Variants in FBXL18 observed in about 807,000 individuals in gnomAD.
FBXL18 encodes the protein F-box/LRR-repeat protein 18.
A neutral mutation model predicts 46.0 loss-of-function variants in FBXL18; 36 were observed. That is an observed-to-expected ratio of 0.78 (90% CI 0.60 to 1.03). The LOEUF is 1.03. Ranked by LOEUF, FBXL18 falls within the 50% of genes least tolerant of loss-of-function variation. The pLI is 0.00. For synonymous variants in FBXL18, 557 were observed against 465.3 expected, an observed-to-expected ratio of 1.20 and a Z score of -2.54; for missense variants, 977 against 1,004.1, an observed-to-expected ratio of 0.97 and a Z score of 0.36.
intron 4 of FBXL18, among the ~76,000 whole-genome samples, chr7:5,482,209 G>T (rs1429150869): frequency 6.6e-6 from 1 of 152,200 alleles, no homozygotes; most frequent in African/African-American, 2.4e-5. Context: ...AGGATCAGAG[G>T]CCCCGGAGGC....
chr7:5,486,307 T>TAACTCTA (rs1783775689), intron 4 of FBXL18, among the ~76,000 whole-genome samples: 1 of 142,956 alleles, frequency 7.0e-6, no homozygotes, highest in Admixed American at 7.1e-5. Context: ...TAATCCCAGC[T>TAACTCTA]ACTCCAGAGG....
rs1311244215 is a variant in FBXL18 at position 5,477,217 on chromosome 7, A to G, written c.*4558T>C. 6.6e-6 allele frequency among the ~76,000 whole-genome samples: 1 copy of G among 151,216 alleles called. No individual in the cohort carries two copies. The highest frequency in any genetic ancestry group is 1.5e-5 in the Non-Finnish European group (1 of 67,858). ...TAGAAACTTCTAACTTGAATCCCAC[A>G]CCCCCAAGTGCAAATGAGACCCATG... On this transcript the variant is annotated 3_prime_UTR_variant, in exon 5 of 5. Coordinates refer to ENST00000382368, the MANE Select transcript of FBXL18 (RefSeq NM_024963.6). This position sits in a 1 kb window ranked among gnomAD's most constrained non-coding sequence, Gnocchi z 4.4.
At chr7:5,483,774 C>A (rs1160785933) in intron 4 of FBXL18, among the ~76,000 whole-genome samples, 1 of 151,958 alleles carries the variant, frequency 6.6e-6, no homozygotes, top group Non-Finnish European at 1.5e-5. Context: ...AATCCAGAAA[C>A]TTCTGCCCAG....
At position 5,463,584 on chromosome 7, in the gene FBXL18, A is replaced by G. The variant is rs150301763; in HGVS notation, c.2001-15741T>C. The stretch of plus-strand genomic sequence containing the variant: ...TAGTGAACCACGATTGTGCCACGGC[A>G]CTCCCTCCTGGGTGACAGGGTGAGA... On this transcript the variant is annotated intron_variant and NMD_transcript_variant, in intron 4 of 6. Transcript: ENST00000415009. Among the ~76,000 whole-genome samples the G allele has an allele frequency of 7.0e-4, 106 of 150,552 alleles. 1 individual carries two copies. The East Asian group carries it at 0.019, about 27-fold the overall frequency.
At chr7:5,469,007 G>A (rs1470358955) in intron 4 of FBXL18, among the ~76,000 whole-genome samples, 2 of 152,150 alleles carry the variant, frequency 1.3e-5, no homozygotes, top group Non-Finnish European at 2.9e-5. Flanking sequence ...GAGAGTGTGT[G>A]GTGTGCGGGT....
intron 3 of FBXL18, among the ~76,000 whole-genome samples, chr7:5,493,060 C>T (rs953652460): frequency 6.6e-6 from 1 of 152,148 alleles, no homozygotes; most frequent in Non-Finnish European, 1.5e-5. Context: ...TCACGGCGGG[C>T]ATGGTGGCTC....
intron 4 of FBXL18, among the ~76,000 whole-genome samples, chr7:5,490,512 G>C (rs1336376306): frequency 3.3e-5 from 5 of 152,240 alleles, no homozygotes; most frequent in Non-Finnish European, 7.3e-5. Context: ...AGAGGGGCCA[G>C]ACTATGTGGG....
chr7:5,495,792 G>A lies in FBXL18; in HGVS notation c.1782-4343C>T, dbSNP rs143689448. 2.9e-3 allele frequency: 1,381 copies of A among 473,286 alleles called. 7 individuals carry two copies. Among genetic ancestry groups the A allele is most frequent in the Non-Finnish European group, 4.8e-3 (1,091 of 227,668 alleles). 29.3% of individuals were successfully genotyped at this position (473,286 alleles called of 1,614,324 possible). ...ACTGCAGCGTCCGGGCTCCCTTGCC[G>A]CAGAAGGCAGGAATCCAGAGGAACG... On this transcript the variant is annotated intron_variant, in intron 3 of 4. Transcript: ENST00000382368.
intron 3 of FBXL18, among the ~76,000 whole-genome samples, chr7:5,495,229 G>A (rs1784045389): frequency 6.6e-6 from 1 of 152,200 alleles, no homozygotes; most frequent in South Asian, 2.1e-4. Context: ...GAAAGGTGCT[G>A]AGCTCACAGT....
rs748340151 is a variant in FBXL18, at chr7:5,481,753, C to G, written c.*22G>C. On this transcript the variant is annotated 3_prime_UTR_variant, in exon 5 of 5. Transcript: ENST00000382368. ...TGCAGCTTCTCGAGGTGACTGAGAC[C>G]GATGGGCGGCGGCTCCGCCTCTCAC... 2.5e-6 allele frequency: 4 copies of G among 1,612,474 alleles called. No individual in the cohort carries two copies. The highest frequency in any genetic ancestry group is 1.7e-5 in the Admixed American group (1 of 59,934).
intron 4 of FBXL18, among the ~76,000 whole-genome samples, chr7:5,486,597 G>A (rs1346549972): frequency 6.6e-6 from 1 of 151,918 alleles, no homozygotes; most frequent in Non-Finnish European, 1.5e-5. Flanking sequence ...AGGCTGCAGT[G>A]AGCTGTGATT....
chr7:5,487,473 C>G, intron 4 of FBXL18, among the ~76,000 whole-genome samples: 1 of 152,176 alleles, frequency 6.6e-6, no homozygotes. Context: ...GCCTGGAGGT[C>G]CCCACAGAGG....
intron 4 of FBXL18, among the ~76,000 whole-genome samples, chr7:5,457,421 T>C (rs1196868814): frequency 1.3e-5 from 2 of 152,142 alleles, no homozygotes; most frequent in Admixed American, 1.3e-4. Context: ...ACCTGAAGCC[T>C]ACCCTACCAC....
intron 4 of FBXL18, 88 bp downstream of exon 4, chr7:5,491,143 T>C: frequency 1.6e-6 from 2 of 1,234,976 alleles, no homozygotes; most frequent in Non-Finnish European, 2.3e-6. Context: ...AAACCACTGG[T>C]AGGCACTCGG....
In FBXL18 at chr7:5,490,046, C is replaced by T. The variant is rs148642174; in HGVS notation, c.2000+1185G>A. 2.5e-4 allele frequency: 341 copies of T among 1,341,802 alleles called. 3 individuals are homozygous for T. In the East Asian group the frequency reaches 6.8e-3, roughly 27 times the overall value. The allele number at this position is 1,341,802 out of a possible 1,614,324, so 83.1% of individuals were successfully genotyped here. A position where few individuals can be genotyped will look rare whatever the true frequency, so the allele number is the denominator to read the frequency against. On this transcript the variant is annotated intron_variant, in intron 4 of 4. Coordinates refer to ENST00000382368, the MANE Select transcript of FBXL18 (RefSeq NM_024963.6). ...ACAACCAGAGAGGGGGAAACCCCAA[C>T]CAGGATTATTCCTGAGACAGCCAGC...
chr7:5,484,867 G>A (rs1783735102), intron 4 of FBXL18, among the ~76,000 whole-genome samples: 1 of 152,088 alleles, frequency 6.6e-6, no homozygotes, highest in Non-Finnish European at 1.5e-5. Flanking sequence ...TCGAACTCCT[G>A]ACCTCAAGTG....
chr7:5,474,851 G>A (rs888343129), downstream of FBXL18, among the ~76,000 whole-genome samples: 6 of 150,776 alleles, frequency 4.0e-5, no homozygotes, highest in African/African-American at 9.7e-5. Context: ...GGGACTACAG[G>A]CGCCCGCCAC....
Position 5,462,987 on chromosome 7 carries a change from T to A in FBXL18, c.2001-15144A>T, listed in dbSNP as rs1181113538. The stretch of plus-strand genomic sequence containing the variant: ...AAAAAAAAATATATATATATATATA[T>A]ATATATATAATATATATACACACAC... On this transcript the variant is annotated intron_variant and NMD_transcript_variant, in intron 4 of 6. Transcript: ENST00000415009. Among the ~76,000 whole-genome samples, 40 of 45,966 alleles carry A rather than the reference T, an allele frequency of 8.7e-4. 2 individuals carry two copies. The highest frequency in any genetic ancestry group is 0.013 in the Middle Eastern group (1 of 78). The allele number at this position is 45,966 out of a possible 152,430, so 30.2% of individuals were successfully genotyped here.
In FBXL18 at chr7:5,513,809, C is replaced by T; in HGVS notation, c.-135G>A. Reference sequence around the variant, plus strand: ...GCAAGGAGCGGGCTCTCGTCACTTCCGGCGCCCGCCTACACGCACTTCCGT... The same window carrying T: ...GCAAGGAGCGGGCTCTCGTCACTTCTGGCGCCCGCCTACACGCACTTCCGT... On this transcript the variant is annotated 5_prime_UTR_variant, in exon 1 of 5. Transcript: ENST00000382368. 9 of 1,239,576 alleles carry T rather than the reference C, an allele frequency of 7.3e-6. No individual in the cohort carries two copies. Among genetic ancestry groups the T allele is most frequent in the Non-Finnish European group, 1.0e-5 (9 of 903,276 alleles). 76.8% of individuals were successfully genotyped at this position (1,239,576 alleles called of 1,614,324 possible).
Sources: gnomAD v4.1 joint callset for allele counts (sites outside exome capture counted in the v4.1 genomes callset) on GRCh38, gnomAD v4.1.1 for gene constraint, Gnocchi (gnomAD v3.1) non-coding constraint, MANE v1.5 for transcripts, NCBI Gene and HGNC (gene_info 2026-07-23, HGNC 2026-07-21) for gene names.